Variants in ZNF808 observed in about 807,000 individuals in gnomAD.
The protein encoded by ZNF808 is zinc finger protein 808.
ZNF808 carries 5 observed loss-of-function variants against 8.7 expected under a neutral mutation model. The ratio of observed to expected loss-of-function variants is 0.58; its 90% confidence interval spans 0.30 to 1.21. ZNF808 has a LOEUF of 1.21. Ranked by LOEUF, ZNF808 falls within the 50% of genes most tolerant of loss-of-function variation. The pLI is 0.07. For synonymous variants in ZNF808, 380 were observed against 366.0 expected (o/e 1.04, Z -0.44); for missense variants, 1,103 against 1,098.4 (o/e 1.00, Z -0.06).
intron 2 of ZNF808, among the ~76,000 whole-genome samples, chr19:52,540,041 ACT>A (rs2059655689): frequency 1.3e-5 from 2 of 149,466 alleles, no homozygotes; most frequent in South Asian, 2.1e-4. Flanking sequence ...ATTTATTGAG[ACT>A]CTCTGTCACC....
chr19:52,535,317 C>T (rs146072869), intron 2 of ZNF808, among the ~76,000 whole-genome samples: 3,488 of 117,318 alleles, frequency 0.03, 158 homozygotes, highest in African/African-American at 0.11. Flanking sequence ...GGTGACAGAG[C>T]GAGACTCCGT....
downstream of ZNF808, among the ~76,000 whole-genome samples, chr19:52,558,234 C>T (rs372975157): frequency 2.4e-4 from 36 of 147,994 alleles, no homozygotes; most frequent in African/African-American, 7.5e-4. Context: ...TACAGGCGCC[C>T]GCCACCGCGC....
chr19:52,552,020 A>ATT (rs756379358), intron 4 of ZNF808, among the ~76,000 whole-genome samples: 3 of 144,288 alleles, frequency 2.1e-5, no homozygotes, highest in Admixed American at 7.0e-5. Flanking sequence ...ATGGAAACAA[A>ATT]TTTTTTTTTT....
At chr19:52,548,832 A>G (rs1568486328) in intron 4 of ZNF808, among the ~76,000 whole-genome samples, 1 of 152,044 alleles carries the variant, frequency 6.6e-6, no homozygotes, top group Non-Finnish European at 1.5e-5. Context: ...AAATAATACT[A>G]CCAGGCTGGG....
At chr19:52,556,717 C>T (rs1303356046), downstream of ZNF808, 1 of 151,872 alleles carries the variant, frequency 6.6e-6, no homozygotes. Flanking sequence ...CAGATAGCAC[C>T]ATTGCAACTC....
chr19:52,554,790 G>C lies in ZNF808; in HGVS notation c.1874G>C (p.Cys625Ser). ...CATACTGGAGAGAAACCATACAGATGTCAGGTTTGTGACACAGCTTTCACG... is the reference window on the plus strand; with the variant it reads ...CATACTGGAGAGAAACCATACAGATCTCAGGTTTGTGACACAGCTTTCACG... ...RIHTGEKPYR[C>S]QVCDTAFTWN... The change falls in exon 5 of 5, where the codon TGT becomes TCT. Residue 625 changes from cysteine to serine, a missense_variant. Transcript: ENST00000359798. 6.2e-7 allele frequency: 1 copy of C among 1,613,898 alleles called. No homozygotes were observed. The highest frequency in any genetic ancestry group is 8.5e-7 in the Non-Finnish European group (1 of 1,179,958).
chr19:52,557,926 T>G (rs1474977985), downstream of ZNF808, among the ~76,000 whole-genome samples: 1 of 150,770 alleles, frequency 6.6e-6, no homozygotes, highest in Admixed American at 6.7e-5. Context: ...TCCCTGCAAC[T>G]TGGCGATGAG....
chr19:52,557,864 CCTT>C (rs2059843325), downstream of ZNF808, among the ~76,000 whole-genome samples: 1 of 152,028 alleles, frequency 6.6e-6, no homozygotes, highest in African/African-American at 2.4e-5. Context: ...TTCACACACA[CCTT>C]CTCACTCATC....
chr19:52,561,214 A>C (rs28436967), downstream of ZNF808, among the ~76,000 whole-genome samples: 789 of 28,378 alleles, frequency 0.028, no homozygotes, highest in Middle Eastern at 0.038. Flanking sequence ...CTCTCTCTCT[A>C]TATATATATA....
At chr19:52,556,662 A>C (rs1411348744), downstream of ZNF808, 1 of 151,940 alleles carries the variant, frequency 6.6e-6, no homozygotes, top group Non-Finnish European at 1.5e-5. Flanking sequence ...TTTGAGAGGC[A>C]GGAGAATGGC....
At chr19:52,562,745 T>G (rs1436708169) in intron 3 of ZNF808, among the ~76,000 whole-genome samples, 2 of 152,062 alleles carry the variant, frequency 1.3e-5, no homozygotes, top group African/African-American at 4.8e-5. Context: ...AGTTGTGATA[T>G]CATAATTGAA....
chr19:52,544,389 G>C (rs1888375678), intron 3 of ZNF808, among the ~76,000 whole-genome samples: 2 of 152,068 alleles, frequency 1.3e-5, no homozygotes, highest in Non-Finnish European at 2.9e-5. Context: ...GGAGCGCAGT[G>C]GTACGATCTC....
intron 1 of ZNF808, among the ~76,000 whole-genome samples, chr19:52,530,686 A>T (rs2059554176): frequency 6.6e-6 from 1 of 151,734 alleles, no homozygotes; most frequent in Non-Finnish European, 1.5e-5. Context: ...GAGAAAGAAA[A>T]AGTAAGGAAC....
chr19:52,529,435 G>C (rs971202666), intron 1 of ZNF808, among the ~76,000 whole-genome samples: 4 of 152,144 alleles, frequency 2.6e-5, no homozygotes, highest in Non-Finnish European at 5.9e-5. Flanking sequence ...GAGTTCATTG[G>C]ATATGATTAG....
Position 52,554,907 on chromosome 19 carries a change from C to T in ZNF808, c.1991C>T (p.Ser664Leu), listed in dbSNP as rs764685375. ...NECGKTFSYKSSLVWHRRLHG... is the reference protein window; with the variant it reads ...NECGKTFSYKLSLVWHRRLHG... ...TGTGGGAAGACCTTCAGTTACAAGTCATCACTTGTATGGCATCGTAGACTT... is the reference window on the plus strand; with the variant it reads ...TGTGGGAAGACCTTCAGTTACAAGTTATCACTTGTATGGCATCGTAGACTT... Residue 664 changes from serine (S) to leucine (L), a missense_variant, in exon 5 of 5, where the codon TCA becomes TTA. Ser to Leu is a moderately radical substitution (Grantham distance 145). Transcript: ENST00000359798. 2.5e-6 allele frequency: 4 copies of T among 1,614,212 alleles called. No homozygotes were observed. The highest frequency in any genetic ancestry group is 3.4e-6 in the Non-Finnish European group (4 of 1,180,034).
intron 1 of ZNF808, among the ~76,000 whole-genome samples, chr19:52,530,072 T>C (rs2059547664): frequency 6.6e-6 from 1 of 151,750 alleles, no homozygotes. Context: ...CCCCCCCCTT[T>C]TTTTTGAGAG....
intron 3 of ZNF808, among the ~76,000 whole-genome samples, chr19:52,544,897 C>G (rs1270962994): frequency 6.6e-6 from 1 of 152,204 alleles, no homozygotes; most frequent in Non-Finnish European, 1.5e-5. Context: ...AATTCTTTTG[C>G]CTCAGCCTCC....
intron 1 of ZNF808, among the ~76,000 whole-genome samples, chr19:52,530,005 A>G (rs1162288848): frequency 6.6e-6 from 1 of 151,766 alleles, no homozygotes; most frequent in African/African-American, 2.4e-5. Context: ...GGCCTCCCAA[A>G]TTACTGGGAT....
chr19:52,552,324 T>G (rs1371708112), intron 4 of ZNF808, among the ~76,000 whole-genome samples: 1 of 151,974 alleles, frequency 6.6e-6, no homozygotes, highest in Non-Finnish European at 1.5e-5. Context: ...GCCCAAAAAT[T>G]TTTTCAAAAG....
Sources: allele counts gnomAD v4.1 joint callset (sites outside exome capture counted in the v4.1 genomes callset), GRCh38; gene constraint gnomAD v4.1.1; transcripts MANE v1.5; gene names NCBI Gene and HGNC (gene_info 2026-07-23, HGNC 2026-07-21).